RALYL: variants seen among roughly 807,000 people sequenced by gnomAD.
RALYL encodes RNA-binding Raly-like protein.
Under a neutral mutation model 35.1 loss-of-function variants are expected in RALYL, and 29 were observed. The observed-to-expected ratio is 0.83, with a 90% CI of 0.61 to 1.13. RALYL has a LOEUF of 1.13. Among genes scored for constraint, RALYL ranks in the 50% most tolerant of loss-of-function variants. The pLI is 0.00. For synonymous variants in RALYL, 120 were observed against 127.6 expected, an observed-to-expected ratio of 0.94 and a Z score of 0.40; for missense variants, 359 against 360.4, an observed-to-expected ratio of 1.00 and a Z score of 0.03.
intron 1 of RALYL, among the ~76,000 whole-genome samples, chr8:84,521,710 A>T (rs1253563271): frequency 6.6e-6 from 1 of 152,244 alleles, no homozygotes; most frequent in African/African-American, 2.4e-5. Context: ...AATATTCCAA[A>T]TTCTCAACTA....
At chr8:84,754,360 G>T (rs1210894876) in intron 2 of RALYL, among the ~76,000 whole-genome samples, 4 of 152,078 alleles carry the variant, frequency 2.6e-5, no homozygotes, top group Admixed American at 1.3e-4. Flanking sequence ...CATGCTGGTT[G>T]TAGGTGGGCC....
At chr8:84,804,315 A>T (rs915185445) in intron 3 of RALYL, among the ~76,000 whole-genome samples, 3 of 152,194 alleles carry the variant, frequency 2.0e-5, no homozygotes, top group Non-Finnish European at 4.4e-5. Context: ...GTTAAGACCA[A>T]TAAATAACTA....
intron 1 of RALYL, among the ~76,000 whole-genome samples, chr8:84,390,783 A>T (rs769019807): frequency 1.3e-5 from 2 of 151,898 alleles, no homozygotes; most frequent in Admixed American, 6.6e-5. Flanking sequence ...AGCCCATGGA[A>T]ACGCAGGCAT....
chr8:84,321,777 G>GTT, intron 1 of RALYL, among the ~76,000 whole-genome samples: 1 of 152,170 alleles, frequency 6.6e-6, no homozygotes, highest in Non-Finnish European at 1.5e-5. Context: ...CAAAGCTCTA[G>GTT]TATAATAATA....
intron 1 of RALYL, among the ~76,000 whole-genome samples, chr8:84,479,874 TTCAGATCACCAGGGTA>T (rs1332427119): frequency 1.3e-5 from 2 of 152,180 alleles, no homozygotes; most frequent in Admixed American, 6.5e-5. Flanking sequence ...CATTAATGAC[TTCAGATCACCAGGGTA>T]TCATGTAATG....
At chr8:84,664,990 G>C (rs1000960912) in intron 2 of RALYL, among the ~76,000 whole-genome samples, 1 of 151,998 alleles carries the variant, frequency 6.6e-6, no homozygotes, top group Non-Finnish European at 1.5e-5. Context: ...ATTATTTTGA[G>C]GTATGTTCCT....
intron 1 of RALYL, among the ~76,000 whole-genome samples, chr8:84,486,647 T>C (rs2054658705): frequency 6.6e-6 from 1 of 152,070 alleles, no homozygotes; most frequent in African/African-American, 2.4e-5. Context: ...AATATGCAGC[T>C]AAATTTGAAA....
Position 84,203,063 on chromosome 8 carries a change from G to A in RALYL, c.-24+18639G>A, listed in dbSNP as rs577427534. 7.2e-5 allele frequency among the ~76,000 whole-genome samples: 11 copies of A among 152,152 alleles called. No homozygotes were observed. The South Asian group carries it at 1.0e-3, about 14-fold the overall frequency. On this transcript the variant is annotated intron_variant, in intron 1 of 8. Transcript: ENST00000521268. ...CACAACAAAAGAATGTTAGTTATTC[G>A]CAAAGGAAAAAGAATGGAAATGAGA... is the stretch of plus-strand genomic sequence containing the variant.
chr8:84,839,131 G>C (rs994420493), intron 4 of RALYL, among the ~76,000 whole-genome samples: 1 of 152,196 alleles, frequency 6.6e-6, no homozygotes, highest in African/African-American at 2.4e-5. Context: ...GCAGGACAGT[G>C]AGTGCAGCGC....
At chr8:84,344,515 A>G (rs1272355476) in intron 1 of RALYL, among the ~76,000 whole-genome samples, 1 of 151,886 alleles carries the variant, frequency 6.6e-6, no homozygotes, top group Non-Finnish European at 1.5e-5. Context: ...TTACTTTCTT[A>G]TTCTGGGGGT....
intron 1 of RALYL, among the ~76,000 whole-genome samples, chr8:84,213,934 G>A (rs1820160409): frequency 1.3e-5 from 2 of 152,026 alleles, no homozygotes; most frequent in Non-Finnish European, 2.9e-5. Flanking sequence ...CTTTTTCATT[G>A]ATATTATTGG....
At chr8:84,298,749 T>A (rs1840235753) in intron 1 of RALYL, among the ~76,000 whole-genome samples, 2 of 152,120 alleles carry the variant, frequency 1.3e-5, no homozygotes, top group South Asian at 2.1e-4. Flanking sequence ...AGTTTTGTAG[T>A]TCTCCTTGTA....
intron 1 of RALYL, among the ~76,000 whole-genome samples, chr8:84,518,948 G>A (rs774659445): frequency 1.3e-5 from 2 of 152,170 alleles, no homozygotes; most frequent in Non-Finnish European, 2.9e-5. Context: ...TTAGCTCTTT[G>A]TGACAGAGAG....
At chr8:84,864,840 T>G (rs1391536105) in intron 6 of RALYL, 2 of 551,334 alleles carry the variant, frequency 3.6e-6, no homozygotes, top group Non-Finnish European at 6.9e-6. Flanking sequence ...GTCAGTCACA[T>G]CCCAGAGAGT....
chr8:84,554,675 A>G (rs771166589), intron 2 of RALYL, among the ~76,000 whole-genome samples: 1 of 152,184 alleles, frequency 6.6e-6, no homozygotes, highest in Non-Finnish European at 1.5e-5. Flanking sequence ...TAGCCACAAC[A>G]CATCCTATTT....
chr8:84,773,160 G>A (rs1815964051), intron 2 of RALYL, among the ~76,000 whole-genome samples: 1 of 152,192 alleles, frequency 6.6e-6, no homozygotes, highest in South Asian at 2.1e-4. Context: ...GCAGCAACAA[G>A]TATCTTTAAG....
chr8:84,700,419 T>G (rs941426859), intron 2 of RALYL, among the ~76,000 whole-genome samples: 3 of 152,068 alleles, frequency 2.0e-5, no homozygotes, highest in Non-Finnish European at 4.4e-5. Context: ...AACCCAATTA[T>G]AGTTTAAAAA....
intron 2 of RALYL, among the ~76,000 whole-genome samples, chr8:84,755,966 A>G (rs552791639): frequency 6.6e-6 from 1 of 152,228 alleles, no homozygotes; most frequent in African/African-American, 2.4e-5. Flanking sequence ...AATCATGTGA[A>G]GCTGTGGTTA....
chr8:84,528,602 T>C (rs749793165), intron 1 of RALYL, among the ~76,000 whole-genome samples: 23 of 152,170 alleles, frequency 1.5e-4, no homozygotes, highest in Non-Finnish European at 2.6e-4. Context: ...TGCTGATCAT[T>C]GATGAACACT....
Sources: gnomAD v4.1 joint callset for allele counts (sites outside exome capture counted in the v4.1 genomes callset) on GRCh38, gnomAD v4.1.1 for gene constraint, MANE v1.5 for transcripts, NCBI Gene and HGNC (gene_info 2026-07-23, HGNC 2026-07-21) for gene names.